The following GALNT6 variants were observed in gnomAD, a reference collection of about 807,000 sequenced individuals.
GALNT6 encodes the protein GalNAc transferase 6.
GALNT6 carries 51 observed loss-of-function variants against 65.9 expected under a neutral mutation model. The ratio of observed to expected loss-of-function variants is 0.77; its 90% CI spans 0.62 to 0.98. GALNT6 has a LOEUF of 0.98. GALNT6 is among the 50% of genes least tolerant of loss of function. The pLI, the probability that GALNT6 is intolerant of heterozygous loss-of-function variation, is 0.00. For synonymous variants in GALNT6, 323 were observed against 315.1 expected (o/e 1.02, Z -0.26); for missense variants, 708 against 803.3 (o/e 0.88, Z 1.43).
chr12:51,369,083 G>A (rs1183735938), intron 4 of GALNT6, among the ~76,000 whole-genome samples: 1 of 152,198 alleles, frequency 6.6e-6, no homozygotes, highest in African/African-American at 2.4e-5. Flanking sequence ...GTGTTTCCCC[G>A]AGAGCTTGCC....
chr12:51,357,574 C>T (rs1946789229), intron 9 of GALNT6, 124 bp from the exon 10 acceptor site: 4 of 675,982 alleles, frequency 5.9e-6, no homozygotes, highest in African/African-American at 1.8e-5. Flanking sequence ...GCTGGATTTC[C>T]CCCGTCATTT....
intron 3 of GALNT6, 87 bp from the exon 4 acceptor site, chr12:51,377,454 C>T: frequency 2.9e-6 from 3 of 1,030,852 alleles, no homozygotes; most frequent in South Asian, 2.8e-5. Flanking sequence ...CTCCCCCAGA[C>T]CATCCTCCAC....
chr12:51,358,301 G>A (rs978368233), intron 8 of GALNT6, 40 bp from the exon 9 acceptor site: 2 of 1,447,350 alleles, frequency 1.4e-6, no homozygotes, highest in South Asian at 2.7e-5. Flanking sequence ...AGTTCCACCA[G>A]TTTTTTTTTT....
intron 6 of GALNT6, 63 bp from the exon 7 acceptor site, chr12:51,360,901 G>T: frequency 8.6e-7 from 1 of 1,163,276 alleles, no homozygotes; most frequent in Non-Finnish European, 1.3e-6. Context: ...GCCTGGCGGG[G>T]AAAGCTGTTT....
chr12:51,374,859 T>G (rs1246885171), intron 4 of GALNT6, among the ~76,000 whole-genome samples: 1 of 152,202 alleles, frequency 6.6e-6, no homozygotes, highest in Non-Finnish European at 1.5e-5. Flanking sequence ...AAAGCTGCCA[T>G]CCTTCTGAAA....
Position 51,364,284 on chromosome 12 carries a change from G to T in GALNT6, c.886C>A (p.Pro296Thr). The T allele has an allele frequency of 1.2e-6, 2 of 1,614,200 alleles. No individual in the cohort carries two copies. Among genetic ancestry groups the T allele is most frequent in the Non-Finnish European group, 1.7e-6 (2 of 1,180,008 alleles). Residue 296 changes from proline (P) to threonine (T), a missense_variant, in exon 6 of 12, where the codon CCA becomes ACA. Physicochemically the swap from Pro to Thr is conservative, Grantham distance 38. Coordinates refer to ENST00000356317, the MANE Select transcript of GALNT6 (RefSeq NM_007210.4). ...IAEDKTVVVS[P>T]DIVTIDLNTF... ...TTAAGGTCGATGGTGACGATGTCTG[G>T]GCTCACCACCACTGTCTTGTCCTCA...
In GALNT6 at chr12:51,365,631, A is replaced by G. The variant is rs368166074; in HGVS notation, c.665-52T>C. 266 of 1,576,228 alleles carry G rather than the reference A, an allele frequency of 1.7e-4. No homozygotes were observed. The East Asian group carries it at 4.5e-3, about 27-fold the overall frequency. On this transcript the variant is annotated intron_variant, in intron 4 of 11. Coordinates refer to ENST00000356317, the MANE Select transcript of GALNT6 (RefSeq NM_007210.4). ...AGTCCACCACTTTGCTGTATACCCAATCCCCTGTGGGCACCAAGCTAGGGG... is the reference window on the plus strand; with the variant it reads ...AGTCCACCACTTTGCTGTATACCCAGTCCCCTGTGGGCACCAAGCTAGGGG...
chr12:51,373,580 G>A (rs1022720755), intron 4 of GALNT6, among the ~76,000 whole-genome samples: 1 of 152,188 alleles, frequency 6.6e-6, no homozygotes, highest in Non-Finnish European at 1.5e-5. Flanking sequence ...ATACACTCCA[G>A]TACAAGAGAT....
upstream of GALNT6, chr12:51,391,469 G>T (rs1235902413): frequency 1.9e-5 from 3 of 156,544 alleles, no homozygotes; most frequent in Non-Finnish European, 2.8e-5. Context: ...AGGAAGAGGC[G>T]AAGGCTGGCG....
chr12:51,382,807 T>C (rs775616913), intron 2 of GALNT6, among the ~76,000 whole-genome samples: 9 of 151,980 alleles, frequency 5.9e-5, no homozygotes, highest in Non-Finnish European at 1.2e-4. Flanking sequence ...GCAGTGTGGA[T>C]GGAAGAGGGA....
intron 6 of GALNT6, among the ~76,000 whole-genome samples, chr12:51,361,091 T>C (rs1190242875): frequency 6.6e-6 from 1 of 152,226 alleles, no homozygotes; most frequent in East Asian, 1.9e-4. Context: ...CAACCTAGGA[T>C]GCACGTAACA....
At chr12:51,384,826 A>T (rs937381226) in intron 2 of GALNT6, among the ~76,000 whole-genome samples, 2 of 152,046 alleles carry the variant, frequency 1.3e-5, no homozygotes, top group African/African-American at 4.8e-5. Context: ...TTGAGGCTGT[A>T]GTTAGTTATG....
At chr12:51,377,461 C>A in intron 3 of GALNT6, 94 bp from the exon 4 acceptor site, 1 of 988,934 alleles carries the variant, frequency 1.0e-6, no homozygotes, top group Non-Finnish European at 1.6e-6. Flanking sequence ...AGACCATCCT[C>A]CACTCCTCTG....
intron 7 of GALNT6, chr12:51,360,018 GC>G (rs1190108564): frequency 6.6e-6 from 1 of 152,210 alleles, no homozygotes; most frequent in Non-Finnish European, 1.5e-5. Context: ...GTAACAGCAG[GC>G]ATCAATTACG....
chr12:51,367,149 C>G (rs1469670357), intron 4 of GALNT6, among the ~76,000 whole-genome samples: 2 of 152,086 alleles, frequency 1.3e-5, no homozygotes, highest in Non-Finnish European at 2.9e-5. Context: ...CCCAGCTACT[C>G]GGGAGGCTGA....
At position 51,355,532 on chromosome 12, in the gene GALNT6, C is replaced by T. The variant is rs566527022; in HGVS notation, c.1755+274G>A. 5.9e-5 allele frequency among the ~76,000 whole-genome samples: 9 copies of T among 152,258 alleles called. No homozygotes were observed. The East Asian group carries it at 9.7e-4, about 16-fold the overall frequency. Reference sequence around the variant, plus strand: ...TCACCCAGGCTGGACTGCAATGGCACGACCTCAGCTCACTGCAACCTCCGC... The same window carrying T: ...TCACCCAGGCTGGACTGCAATGGCATGACCTCAGCTCACTGCAACCTCCGC... On this transcript the variant is annotated intron_variant, in intron 11 of 11. Transcript: ENST00000356317.
At chr12:51,363,141 G>A (rs1946978537) in intron 6 of GALNT6, among the ~76,000 whole-genome samples, 4 of 152,152 alleles carry the variant, frequency 2.6e-5, no homozygotes, top group Admixed American at 2.6e-4. Context: ...ATATTCAGTT[G>A]AGCCTTAAGT....
At chr12:51,363,351 G>A (rs1209194152) in intron 6 of GALNT6, among the ~76,000 whole-genome samples, 1 of 152,168 alleles carries the variant, frequency 6.6e-6, no homozygotes, top group East Asian at 1.9e-4. Flanking sequence ...ATTAAACTGT[G>A]GGTTGACTTC....
upstream of GALNT6, chr12:51,391,552 C>T (rs1286018469): frequency 6.5e-6 from 1 of 152,718 alleles, no homozygotes; most frequent in Non-Finnish European, 1.5e-5. Flanking sequence ...TCGGGGAGCT[C>T]AGGGGGGCCC....
Sources: gnomAD v4.1 joint callset for allele counts (sites outside exome capture counted in the v4.1 genomes callset) on GRCh38, gnomAD v4.1.1 for gene constraint, MANE v1.5 for transcripts, NCBI Gene and HGNC (gene_info 2026-07-23, HGNC 2026-07-21) for gene names.